The following ZNF347 variants were observed in gnomAD, a reference collection of about 807,000 sequenced individuals.
ZNF347 encodes the protein zinc finger protein 347.
ZNF347 carries 19 observed loss-of-function variants against 12.9 expected under a neutral mutation model. The ratio of observed to expected loss-of-function variants is 1.47; its 90% CI spans 1.03 to 2.16. The LOEUF (loss-of-function observed/expected upper bound fraction) is 2.16. Ranked by LOEUF, ZNF347 falls within the 30% of genes most tolerant of loss-of-function variation. The pLI is 0.00. For synonymous variants in ZNF347, 328 were observed against 340.6 expected (o/e 0.96, Z 0.41); for missense variants, 1,005 against 990.6 (o/e 1.01, Z -0.19).
chr19:53,151,125 A>G, intron 2 of ZNF347, among the ~76,000 whole-genome samples: 1 of 152,236 alleles, frequency 6.6e-6, no homozygotes, highest in East Asian at 1.9e-4. Context: ...TTCCCATCTT[A>G]CTAGCAGATA....
At position 53,141,216 on chromosome 19, in the gene ZNF347, C is replaced by A; in HGVS notation, c.1612G>T (p.Val538Leu). The A allele has an allele frequency of 6.2e-7, 1 of 1,608,434 alleles. No homozygotes were observed. ...LANHQRIHTG[V>L]KPYMCNECGK... ...CACTCATTACACATATAAGGCTTCA[C>A]TCCAGTATGAATTCTTTGATGATTT... Residue 538 changes from valine (V) to leucine (L), a missense_variant, in exon 5 of 5, where the codon GTG (valine) becomes TTG (leucine). Transcript: ENST00000334197.
intron 2 of ZNF347, chr19:53,149,642 G>C: frequency 2.2e-6 from 1 of 444,822 alleles, no homozygotes; most frequent in Non-Finnish European, 3.8e-6. Context: ...GAAAGACCAA[G>C]GCTGGATTAC....
intron 4 of ZNF347, among the ~76,000 whole-genome samples, chr19:53,144,347 G>C (rs2146803007): frequency 6.6e-6 from 1 of 152,226 alleles, no homozygotes; most frequent in South Asian, 2.1e-4. Context: ...AGATAAAATA[G>C]ACTTTAAGTC....
At position 53,142,020 on chromosome 19, in the gene ZNF347, A is replaced by G; in HGVS notation, c.808T>C (p.Phe270Leu). ...PYKSNGCGMVFPQNSHLASHQ... is the reference protein window; with the variant it reads ...PYKSNGCGMVLPQNSHLASHQ... ...CTTGCAAGGTGTGAATTTTGAGGAA[A>G]GACCATGCCACATCCATTAGATTTG... Residue 270 changes from phenylalanine to leucine, a missense_variant, in exon 5 of 5, where the codon TTT becomes CTT. Phe to Leu is a conservative substitution (Grantham distance 22). Transcript: ENST00000334197. The G allele has an allele frequency of 6.2e-7, 1 of 1,614,128 alleles. No individual in the cohort carries two copies.
At chr19:53,156,146 C>T (rs1490642078) in intron 1 of ZNF347, among the ~76,000 whole-genome samples, 1 of 151,188 alleles carries the variant, frequency 6.6e-6, no homozygotes. Context: ...TGCCTGTAGT[C>T]CCAGCACTTT....
Position 53,141,406 on chromosome 19 carries a change from C to G in ZNF347, c.1422G>C (p.Arg474Ser). 1 of 1,612,042 alleles carries G rather than the reference C, an allele frequency of 6.2e-7. No individual in the cohort carries two copies. ...TCTCTCCAGTATGAATTAGCTGATG[C>G]CTTGCAAGGTGTGAATTACGCCTAA... Reference protein sequence around the residue: ...KVFRRNSHLARHQLIHTGEKP... With the variant: ...KVFRRNSHLASHQLIHTGEKP... Residue 474 changes from arginine to serine, a missense_variant, in exon 5 of 5, where the codon AGG becomes AGC. Arg to Ser is a moderately radical substitution (Grantham distance 110). Transcript: ENST00000334197.
rs753949664 is a variant in ZNF347, at chr19:53,141,038, T to C, written c.1790A>G (p.Tyr597Cys). ...HRGIHTGEKP[Y>C]KCNECGKVFR... ...GACCTTGCCACATTCATTACATTTA[T>C]AAGGTTTCTCTCCAGTATGAATTCC... Residue 597 changes from tyrosine to cysteine, a missense_variant, in exon 5 of 5, where the codon TAT becomes TGT. By Grantham distance (194) the Tyr-to-Cys change is radical. Transcript: ENST00000334197. 53 of 1,613,606 alleles carry C rather than the reference T, an allele frequency of 3.3e-5. 1 individual carries two copies. Among genetic ancestry groups the C allele is most frequent in the Non-Finnish European group, 4.2e-5 (49 of 1,179,978 alleles).
chr19:53,143,497 G>A (rs576566262), intron 4 of ZNF347, among the ~76,000 whole-genome samples: 10 of 150,972 alleles, frequency 6.6e-5, no homozygotes, highest in South Asian at 2.1e-4. Context: ...TTGTCCTTGC[G>A]ATAGTTTGCT....
Position 53,141,508 on chromosome 19 carries a change from A to G in ZNF347, c.1320T>C (p.Val440=), listed in dbSNP as rs934999928. 4 of 1,608,220 alleles carry G rather than the reference A, an allele frequency of 2.5e-6. No homozygotes were observed. The African/African-American group carries it at 5.5e-5, about 22-fold the overall frequency. The part of the protein sequence containing the change: ...KCNECGKAFG[V]RSSLAIHLVI... ...CCAGATGAATAGCTAGGCTTGAACGAACACCAAAGGCTTTGCCGCACTCAT... is the reference window on the plus strand; with the variant it reads ...CCAGATGAATAGCTAGGCTTGAACGGACACCAAAGGCTTTGCCGCACTCAT... Residue 440 remains valine, a synonymous_variant, in exon 5 of 5, where the codon GTT becomes GTC. Coordinates refer to ENST00000334197, the MANE Select transcript of ZNF347 (RefSeq NM_032584.3).
In ZNF347 at chr19:53,135,339, T is replaced by TATATATAGAGAGAG. The variant is rs2090381896; in HGVS notation, c.*4968_*4969insCTCTCTCTATATAT. The TATATATAGAGAGAG allele has an allele frequency of 1.2e-5, 1 of 85,254 alleles. No individual in the cohort carries two copies. Among genetic ancestry groups the TATATATAGAGAGAG allele is most frequent in the African/African-American group, 5.8e-5 (1 of 17,158 alleles). 5.3% of individuals were successfully genotyped at this position (85,254 alleles called of 1,614,324 possible). ...ATATATATATATATATATATATATA[T>TATATATAGAGAGAG]AGAGAGAGAGAGAGAGAGAGAGAGA... On this transcript the variant is annotated 3_prime_UTR_variant, in exon 5 of 5. Transcript: ENST00000334197.
chr19:53,153,891 TCA>T (rs146492650), intron 1 of ZNF347, 98 bp from the exon 2 acceptor site: 2,023 of 789,754 alleles, frequency 2.6e-3, no homozygotes, highest in Non-Finnish European at 2.8e-3. Flanking sequence ...TATGCCACAA[TCA>T]CACACACACA....
intron 2 of ZNF347, among the ~76,000 whole-genome samples, chr19:53,151,117 C>T (rs1412997129): frequency 6.6e-6 from 1 of 152,184 alleles, no homozygotes; most frequent in Non-Finnish European, 1.5e-5. Flanking sequence ...AAGATCTGTT[C>T]CCATCTTACT....
chr19:53,147,128 A>C (rs750364947), intron 4 of ZNF347, among the ~76,000 whole-genome samples: 4 of 151,860 alleles, frequency 2.6e-5, no homozygotes, highest in Non-Finnish European at 5.9e-5. Flanking sequence ...TAATCCCAGC[A>C]CTTTGGGTGG....
chr19:53,135,391 G>A lies in ZNF347; in HGVS notation c.*4917C>T, dbSNP rs1338344806. On this transcript the variant is annotated 3_prime_UTR_variant, in exon 5 of 5. Coordinates refer to ENST00000334197, the MANE Select transcript of ZNF347 (RefSeq NM_032584.3). ...AGAAAGAGAGAGAGAGAGAGAGAGAGAGATGGAGTCCCGCTCTGTCACTGA... is the reference window on the plus strand; with the variant it reads ...AGAAAGAGAGAGAGAGAGAGAGAGAAAGATGGAGTCCCGCTCTGTCACTGA... 1 of 148,440 alleles carries A rather than the reference G, an allele frequency of 6.7e-6. No individual in the cohort carries two copies. The highest frequency in any genetic ancestry group is 6.8e-5 in the Admixed American group (1 of 14,790). 9.2% of individuals were successfully genotyped at this position (148,440 alleles called of 1,614,324 possible).
chr19:53,158,389 A>C (rs1426850098), intron 1 of ZNF347, among the ~76,000 whole-genome samples: 2 of 152,150 alleles, frequency 1.3e-5, no homozygotes, highest in East Asian at 3.9e-4. Flanking sequence ...GACGAGGGCG[A>C]GGCTGGGAGG....
At chr19:53,155,621 C>T (rs1349871471) in intron 1 of ZNF347, among the ~76,000 whole-genome samples, 2 of 152,072 alleles carry the variant, frequency 1.3e-5, no homozygotes, top group East Asian at 1.9e-4. Context: ...AGGTGTAAGC[C>T]GCTGTGCCCA....
In ZNF347 at chr19:53,137,733, T is replaced by C. The variant is rs2146793665; in HGVS notation, c.*2575A>G. 6.6e-6 allele frequency: 1 copy of C among 152,298 alleles called. No individual in the cohort carries two copies. The highest frequency in any genetic ancestry group is 2.1e-4 in the South Asian group (1 of 4,830). The allele number at this position is 152,298 out of a possible 1,614,324, so 9.4% of individuals were successfully genotyped here. A position where few individuals can be genotyped will look rare whatever the true frequency, so the allele number is the denominator to read the frequency against. ...TTTTTAAGAGGAAACTCATGAATATTAGTCTTGTCAAATTATGTGAGCATA... is the reference window on the plus strand; with the variant it reads ...TTTTTAAGAGGAAACTCATGAATATCAGTCTTGTCAAATTATGTGAGCATA... On this transcript the variant is annotated 3_prime_UTR_variant, in exon 5 of 5. Transcript: ENST00000334197.
chr19:53,154,771 A>G (rs2090520915), intron 1 of ZNF347, among the ~76,000 whole-genome samples: 2 of 152,032 alleles, frequency 1.3e-5, no homozygotes, highest in Admixed American at 1.3e-4. Flanking sequence ...AAAAGAAAGG[A>G]TCAGTGGAAT....
Position 53,141,830 on chromosome 19 carries a change from G to A in ZNF347, c.998C>T (p.Ser333Leu), listed in dbSNP as rs1288915578. ...TCCAGTGTGAATTTTCTGATGTTGT[G>A]AGAGTTGTGAATTTCGACTAAAGAC... The part of the protein sequence containing the change: ...GKVFSRNSQL[S>L]QHQKIHTGEK... The change falls in exon 5 of 5, where the codon TCA becomes TTA. Residue 333 changes from serine to leucine, a missense_variant. Transcript: ENST00000334197. 1.2e-6 allele frequency: 2 copies of A among 1,614,052 alleles called. No homozygotes were observed. The highest frequency in any genetic ancestry group is 1.7e-6 in the Non-Finnish European group (2 of 1,179,990).
Sources: allele counts gnomAD v4.1 joint callset (sites outside exome capture counted in the v4.1 genomes callset), GRCh38; gene constraint gnomAD v4.1.1; transcripts MANE v1.5; gene names NCBI Gene and HGNC (gene_info 2026-07-23, HGNC 2026-07-21).